The following CFAP97 variants were observed in gnomAD, a reference collection of about 807,000 sequenced individuals.
CFAP97 encodes cilia- and flagella-associated protein 97.
In CFAP97, 36 loss-of-function variants were observed where a neutral mutation model predicts 43.1. The ratio of observed to expected loss-of-function variants is 0.84; its 90% CI spans 0.64 to 1.10. The LOEUF (loss-of-function observed/expected upper bound fraction) is 1.10. Ranked by LOEUF, CFAP97 falls within the 50% of genes least tolerant of loss-of-function variation. The pLI is 0.00. For synonymous variants in CFAP97, 228 were observed against 225.7 expected (o/e 1.01, Z -0.09); for missense variants, 657 against 620.3 (o/e 1.06, Z -0.63).
intron 3 of CFAP97, among the ~76,000 whole-genome samples, chr4:185,173,354 C>T (rs1735384631): frequency 8.1e-6 from 1 of 123,656 alleles, no homozygotes; most frequent in Non-Finnish European, 1.8e-5. Flanking sequence ...GAGCCAGACT[C>T]CGTCTCTTAA....
intron 1 of CFAP97, among the ~76,000 whole-genome samples, chr4:185,196,788 A>G (rs1298689749): frequency 6.6e-6 from 1 of 152,208 alleles, no homozygotes; most frequent in Non-Finnish European, 1.5e-5. Context: ...ACAATAAATC[A>G]GGAACCAGAG....
At chr4:185,195,836 C>T (rs1297883164) in intron 1 of CFAP97, among the ~76,000 whole-genome samples, 1 of 152,110 alleles carries the variant, frequency 6.6e-6, no homozygotes, top group African/African-American at 2.4e-5. Context: ...CATTAAACTC[C>T]CAAAAATGTC....
At chr4:185,191,346 CAAAA>C in intron 1 of CFAP97, 134 bp from the exon 2 acceptor site, 1 of 630,054 alleles carries the variant, frequency 1.6e-6, no homozygotes. Context: ...AAAACAACAA[CAAAA>C]AAGGTAACTC....
intron 1 of CFAP97, among the ~76,000 whole-genome samples, chr4:185,196,703 T>A (rs1475107830): frequency 1.3e-5 from 2 of 152,180 alleles, no homozygotes; most frequent in Non-Finnish European, 1.5e-5. Flanking sequence ...CTTTGGGTGG[T>A]ATTAGACAGT....
At chr4:185,182,694 T>C (rs996414231) in intron 2 of CFAP97, among the ~76,000 whole-genome samples, 8 of 152,226 alleles carry the variant, frequency 5.3e-5, no homozygotes, top group African/African-American at 1.9e-4. Context: ...TTTACCTTGG[T>C]TCAACACTGT....
At chr4:185,202,622 C>A (rs760680101) in intron 1 of CFAP97, among the ~76,000 whole-genome samples, 6 of 152,078 alleles carry the variant, frequency 3.9e-5, no homozygotes, top group Non-Finnish European at 8.8e-5. Flanking sequence ...TCTTCCCCCA[C>A]CCCTCCGGAA....
chr4:185,183,084 A>G (rs1287656500), intron 2 of CFAP97, among the ~76,000 whole-genome samples: 1 of 151,806 alleles, frequency 6.6e-6, no homozygotes, highest in Admixed American at 6.6e-5. Flanking sequence ...TGGGTGACAG[A>G]GCAAGACTCC....
At position 185,162,922 on chromosome 4, in the gene CFAP97, G is replaced by C. The variant is rs939759121; in HGVS notation, c.1475C>G (p.Ala492Gly). 1.9e-6 allele frequency: 3 copies of C among 1,553,338 alleles called. No homozygotes were observed. The highest frequency in any genetic ancestry group is 2.6e-6 in the Non-Finnish European group (3 of 1,157,292). Residue 492 changes from alanine (A) to glycine (G), a missense_variant, in exon 5 of 5, where the codon GCT becomes GGT. Coordinates refer to ENST00000458385, the MANE Select transcript of CFAP97 (RefSeq NM_020827.3). ...ACTCGTAGCACTGGATGTCCTGGAA[G>C]CTCCTGAAAATATAAAAAGAAGAAA... The part of the protein sequence containing the change: ...STLGQYSPLR[A>G]SRTSSATSGL...
chr4:185,201,243 T>C (rs1736810423), intron 1 of CFAP97, among the ~76,000 whole-genome samples: 1 of 151,218 alleles, frequency 6.6e-6, no homozygotes, highest in Non-Finnish European at 1.5e-5. Context: ...GGAGAATCTC[T>C]TGAACCCAGG....
At chr4:185,174,792 T>C (rs186540358) in intron 3 of CFAP97, among the ~76,000 whole-genome samples, 6 of 152,312 alleles carry the variant, frequency 3.9e-5, no homozygotes, top group African/African-American at 1.4e-4. Context: ...CAGAGAATTG[T>C]TGTCAGGATT....
intron 4 of CFAP97, 34 bp from the exon 5 acceptor site, chr4:185,162,959 C>A (rs1379052969): frequency 2.0e-6 from 3 of 1,492,232 alleles, no homozygotes; most frequent in Non-Finnish European, 1.8e-6. Context: ...ATCTGAGAAA[C>A]TTCTCCTCAC....
At chr4:185,194,117 C>T (rs537287728) in intron 1 of CFAP97, among the ~76,000 whole-genome samples, 22 of 152,292 alleles carry the variant, frequency 1.4e-4, no homozygotes, top group Non-Finnish European at 2.2e-4. Context: ...TTTCACACTA[C>T]GACTGCAGAG....
intron 3 of CFAP97, among the ~76,000 whole-genome samples, chr4:185,175,238 T>TTCTCTC (rs10638706): frequency 3.8e-4 from 57 of 149,164 alleles, no homozygotes; most frequent in African/African-American, 1.0e-3. Context: ...AATGGTCTCC[T>TTCTCTC]TCTCTCTCTC....
chr4:185,205,449 G>C (rs111518966), upstream of CFAP97, among the ~76,000 whole-genome samples: 31 of 124,948 alleles, frequency 2.5e-4, no homozygotes, highest in Admixed American at 2.6e-3. Flanking sequence ...GTAAGACTGT[G>C]TCTCAAAAAA....
intron 3 of CFAP97, among the ~76,000 whole-genome samples, chr4:185,168,195 A>T (rs1021140292): frequency 6.6e-6 from 1 of 152,184 alleles, no homozygotes; most frequent in Non-Finnish European, 1.5e-5. Context: ...CAAATATTTA[A>T]TGGATTAAAA....
chr4:185,170,174 C>T (rs917800788), intron 3 of CFAP97: 2 of 599,708 alleles, frequency 3.3e-6, no homozygotes, highest in East Asian at 3.4e-5. Context: ...ATGGCAATAC[C>T]ATCTCCACTA....
intron 3 of CFAP97, among the ~76,000 whole-genome samples, chr4:185,171,357 C>A (rs1328491569): frequency 6.6e-6 from 1 of 152,062 alleles, no homozygotes; most frequent in Non-Finnish European, 1.5e-5. Context: ...CCCCCCAAAA[C>A]AAGAACAACG....
At chr4:185,187,163 A>G (rs1736038025) in intron 2 of CFAP97, among the ~76,000 whole-genome samples, 2 of 152,226 alleles carry the variant, frequency 1.3e-5, no homozygotes, top group Admixed American at 6.5e-5. Context: ...TATAATGCAG[A>G]AGGATGCACA....
At chr4:185,208,385 G>A (rs1409999584), upstream of CFAP97, among the ~76,000 whole-genome samples, 1 of 152,156 alleles carries the variant, frequency 6.6e-6, no homozygotes, top group Non-Finnish European at 1.5e-5. Flanking sequence ...GCATGGCAAA[G>A]TCACATCTAG....
Sources: gnomAD v4.1 joint callset for allele counts (sites outside exome capture counted in the v4.1 genomes callset) on GRCh38, gnomAD v4.1.1 for gene constraint, MANE v1.5 for transcripts, NCBI Gene and HGNC (gene_info 2026-07-23, HGNC 2026-07-21) for gene names.